Variants in PARP16 observed in about 807,000 individuals in gnomAD.
PARP16 encodes the protein protein mono-ADP-ribosyltransferase PARP16.
Under a neutral mutation model 35.0 loss-of-function variants are expected in PARP16, and 31 were observed. The observed-to-expected ratio is 0.88, with a 90% CI of 0.66 to 1.19. The LOEUF is 1.19. PARP16 is among the 50% of genes most tolerant of loss of function. The pLI, the probability that PARP16 is intolerant of heterozygous loss-of-function variation, is 0.00. For missense variants in PARP16, 424 were observed against 411.2 expected, an observed-to-expected ratio of 1.03 and a Z score of -0.27; for synonymous variants, 162 against 169.5, an observed-to-expected ratio of 0.96 and a Z score of 0.34.
In PARP16 at chr15:65,258,593, C is replaced by G. The variant is rs928345007; in HGVS notation, c.*814G>C. 6.6e-6 allele frequency: 1 copy of G among 152,564 alleles called. No individual in the cohort carries two copies. Among genetic ancestry groups the G allele is most frequent in the Non-Finnish European group, 1.5e-5 (1 of 68,042 alleles). The allele number at this position is 152,564 out of a possible 1,614,324, so 9.5% of individuals were successfully genotyped here. On this transcript the variant is annotated 3_prime_UTR_variant, in exon 6 of 6. Transcript: ENST00000649807. ...AAAGAGGCTGTGGACACTGGCCAAACAGTGCACTAGGTTTAGAAATTTCCC... is the reference window on the plus strand; with the variant it reads ...AAAGAGGCTGTGGACACTGGCCAAAGAGTGCACTAGGTTTAGAAATTTCCC...
intron 5 of PARP16, 79 bp from the exon 6 acceptor site, chr15:65,259,621 C>T: frequency 7.6e-7 from 1 of 1,310,838 alleles, no homozygotes. Flanking sequence ...AAGTCTGGCT[C>T]TAAGAAGACA....
At chr15:65,252,693 T>A (rs2089391143) in intron 2 of PARP16, among the ~76,000 whole-genome samples, 1 of 152,208 alleles carries the variant, frequency 6.6e-6, no homozygotes, top group Non-Finnish European at 1.5e-5. Context: ...GAATCCCTAG[T>A]GATTTCTCTT....
At chr15:65,285,848 A>C (rs1051534798) in intron 1 of PARP16, among the ~76,000 whole-genome samples, 2 of 152,212 alleles carry the variant, frequency 1.3e-5, no homozygotes, top group African/African-American at 2.4e-5. Flanking sequence ...CTGAAGACCA[A>C]TGTCTGGGCG....
intron 3 of PARP16, among the ~76,000 whole-genome samples, chr15:65,238,324 T>C: frequency 6.6e-6 from 1 of 152,130 alleles, no homozygotes; most frequent in South Asian, 2.1e-4. Context: ...TATCCTCAAA[T>C]TTTATCTCCA....
intron 1 of PARP16, among the ~76,000 whole-genome samples, chr15:65,273,790 C>T (rs1009928392): frequency 6.6e-6 from 1 of 151,080 alleles, no homozygotes; most frequent in African/African-American, 2.4e-5. Flanking sequence ...GCAGGAAAGT[C>T]GCTTGAACCC....
At chr15:65,230,927 C>T (rs1388954745), downstream of PARP16, among the ~76,000 whole-genome samples, 1 of 116,660 alleles carries the variant, frequency 8.6e-6, no homozygotes, top group Non-Finnish European at 1.6e-5. Context: ...CTTGCTCTGT[C>T]ACCTGGGCTG....
intron 1 of PARP16, among the ~76,000 whole-genome samples, chr15:65,275,552 C>A (rs1450426841): frequency 6.6e-6 from 1 of 152,120 alleles, no homozygotes. Flanking sequence ...ACTGCCATGA[C>A]TGTCATCATT....
Position 65,286,496 on chromosome 15 carries a change from GGGGCTGGGC to G in PARP16, c.-79_-71del. 8.0e-7 allele frequency: 1 copy of G among 1,243,914 alleles called. No homozygotes were observed. The highest frequency in any genetic ancestry group is 1.1e-6 in the Non-Finnish European group (1 of 948,482). The allele number at this position is 1,243,914 out of a possible 1,614,324, so 77.1% of individuals were successfully genotyped here. On this transcript the variant is annotated 5_prime_UTR_variant, in exon 1 of 6. Coordinates refer to ENST00000649807, the MANE Select transcript of PARP16 (RefSeq NM_001316943.2). ...CAAGGGCGAGCGTGCGTTCAGCGCG[GGGGCTGGGC>G]CCGCGGACAATGGGCCGTCAGGGGC... is the stretch of plus-strand genomic sequence containing the variant.
chr15:65,248,630 G>A lies in PARP16; in HGVS notation c.203-402C>T, dbSNP rs551521024. Among the ~76,000 whole-genome samples the A allele has an allele frequency of 5.3e-5, 8 of 152,256 alleles. No individual in the cohort carries two copies. The East Asian group carries it at 1.5e-3, about 29-fold the overall frequency. Reference sequence around the variant, plus strand: ...ACCCTGATCTGCTCAGCTAGACAAAGGCAAAGCTGCAGGCCCAAAACAGAC... The same window carrying A: ...ACCCTGATCTGCTCAGCTAGACAAAAGCAAAGCTGCAGGCCCAAAACAGAC... On this transcript the variant is annotated intron_variant and NMD_transcript_variant, in intron 2 of 3. Transcript: ENST00000559805.
chr15:65,248,222 C>T (rs2089263061), exon 3 of PARP16: 1 of 456,468 alleles, frequency 2.2e-6, no homozygotes, highest in Non-Finnish European at 4.4e-6. Flanking sequence ...CTTCAGATTC[C>T]CAGTGCCTAG....
chr15:65,257,659 A>G (rs1452224750), downstream of PARP16, among the ~76,000 whole-genome samples: 5 of 151,430 alleles, frequency 3.3e-5, no homozygotes, highest in Admixed American at 3.3e-4. Flanking sequence ...AAAAGTAGAT[A>G]AGGCCTGTTG....
At chr15:65,267,725 C>T (rs1363096182) in intron 2 of PARP16, among the ~76,000 whole-genome samples, 3 of 96,262 alleles carry the variant, frequency 3.1e-5, no homozygotes, top group Admixed American at 1.5e-4. Flanking sequence ...CTCGCTCTGT[C>T]GCCCAGGCTG....
chr15:65,262,528 G>C (rs1322252089), intron 4 of PARP16, among the ~76,000 whole-genome samples: 1 of 152,152 alleles, frequency 6.6e-6, no homozygotes, highest in African/African-American at 2.4e-5. Flanking sequence ...AAGGCAAATA[G>C]TCTCAGGGAC....
intron 2 of PARP16, among the ~76,000 whole-genome samples, chr15:65,250,803 C>A (rs2089339350): frequency 1.3e-5 from 2 of 152,108 alleles, no homozygotes; most frequent in African/African-American, 4.8e-5. Flanking sequence ...CGAAGGAGGC[C>A]CCTTGAGACT....
intron 1 of PARP16, 95 bp downstream of exon 1, chr15:65,286,154 GTCAT>G: frequency 1.0e-6 from 1 of 1,001,602 alleles, no homozygotes. Context: ...TCTGGCGGCT[GTCAT>G]GTTTACTAAT....
intron 5 of PARP16, among the ~76,000 whole-genome samples, chr15:65,260,284 A>T: frequency 6.6e-6 from 1 of 152,176 alleles, no homozygotes; most frequent in East Asian, 1.9e-4. Context: ...GGATTCCAAC[A>T]ATGCAACAAA....
chr15:65,248,894 G>C (rs1030792781), intron 2 of PARP16, among the ~76,000 whole-genome samples: 1 of 152,156 alleles, frequency 6.6e-6, no homozygotes, highest in African/African-American at 2.4e-5. Context: ...TTGGTCCCCA[G>C]TTGCCTCCCA....
intron 2 of PARP16, among the ~76,000 whole-genome samples, chr15:65,249,147 C>A (rs1044861155): frequency 1.3e-5 from 2 of 152,230 alleles, no homozygotes; most frequent in Non-Finnish European, 1.5e-5. Context: ...GAGCCCCTAG[C>A]GTCATCCAAA....
Position 65,271,043 on chromosome 15 carries a change from C to A in PARP16, c.204G>T (p.Leu68=). 6.2e-7 allele frequency: 1 copy of A among 1,614,116 alleles called. No individual in the cohort carries two copies. The highest frequency in any genetic ancestry group is 1.1e-5 in the South Asian group (1 of 91,078). Residue 68 remains leucine, a synonymous_variant, in exon 2 of 6, where the codon CTG becomes CTT. Transcript: ENST00000649807. ...CTCCGGAGGACTGGAGAAGTTCTTTCAGGTTAGGTAACTTGCTGGCATCTG... is the reference window on the plus strand; with the variant it reads ...CTCCGGAGGACTGGAGAAGTTCTTTAAGGTTAGGTAACTTGCTGGCATCTG... The part of the protein sequence containing the change: ...LLADASKLPN[L]KELLQSSGDN...
Sources: allele counts gnomAD v4.1 joint callset (sites outside exome capture counted in the v4.1 genomes callset), GRCh38; gene constraint gnomAD v4.1.1; transcripts MANE v1.5; gene names NCBI Gene and HGNC (gene_info 2026-07-23, HGNC 2026-07-21).